TEAD1: variants seen among roughly 807,000 people sequenced by gnomAD.
TEAD1 encodes transcriptional enhancer factor TEF-1.
Under a neutral mutation model 54.9 loss-of-function variants are expected in TEAD1, and 9 were observed. That is an observed-to-expected ratio of 0.16 (90% CI 0.10 to 0.29). The LOEUF is 0.29. TEAD1 is among the 10% of genes least tolerant of loss of function. The pLI is 1.00. For synonymous variants in TEAD1, 200 were observed against 187.8 expected (o/e 1.07, Z -0.53); for missense variants, 387 against 535.9 (o/e 0.72, Z 2.74).
At chr11:12,867,759 G>A (rs1947652154) in intron 5 of TEAD1, among the ~76,000 whole-genome samples, 1 of 152,136 alleles carries the variant, frequency 6.6e-6, no homozygotes, top group South Asian at 2.1e-4. Flanking sequence ...TCCCACACTA[G>A]CTAGTGAGAT....
At chr11:12,705,666 G>C (rs1437438117) in intron 2 of TEAD1, among the ~76,000 whole-genome samples, 1 of 152,150 alleles carries the variant, frequency 6.6e-6, no homozygotes, top group African/African-American at 2.4e-5. Flanking sequence ...ATTAATAAAA[G>C]TTGTGTGTTG....
chr11:12,720,945 A>G (rs150209682), intron 2 of TEAD1, among the ~76,000 whole-genome samples: 1 of 152,204 alleles, frequency 6.6e-6, no homozygotes, highest in Non-Finnish European at 1.5e-5. Flanking sequence ...ACTTCTCAGA[A>G]GTTAACTCAT....
intron 3 of TEAD1, among the ~76,000 whole-genome samples, chr11:12,814,434 C>T (rs527648652): frequency 6.6e-6 from 1 of 152,246 alleles, no homozygotes; most frequent in East Asian, 1.9e-4. Flanking sequence ...CCCCCTCAGG[C>T]CCCCGCTGGC....
At chr11:12,687,537 C>G (rs955990697) in intron 2 of TEAD1, among the ~76,000 whole-genome samples, 2 of 152,220 alleles carry the variant, frequency 1.3e-5, no homozygotes, top group African/African-American at 4.8e-5. Flanking sequence ...GTCAGGCTAA[C>G]AAAGGACTGC....
At chr11:12,879,562 CTG>C in intron 5 of TEAD1, 144 bp from the exon 6 acceptor site, 1 of 942,120 alleles carries the variant, frequency 1.1e-6, no homozygotes, top group South Asian at 1.4e-5. Context: ...AGCCTTCTGG[CTG>C]TGTTATTTAT....
intron 11 of TEAD1, among the ~76,000 whole-genome samples, chr11:12,927,915 A>C (rs183577579): frequency 9.1e-4 from 139 of 152,272 alleles, no homozygotes; most frequent in Middle Eastern, 6.8e-3. Context: ...ACCCTTGTAT[A>C]GTTAACTGAT....
At chr11:12,781,315 A>T (rs1443008378) in intron 3 of TEAD1, among the ~76,000 whole-genome samples, 1 of 152,226 alleles carries the variant, frequency 6.6e-6, no homozygotes, top group Non-Finnish European at 1.5e-5. Context: ...GTAAAGTAAA[A>T]ATAGAGAAAA....
At chr11:12,675,149 A>G (rs1382260300) in intron 1 of TEAD1, among the ~76,000 whole-genome samples, 2 of 149,822 alleles carry the variant, frequency 1.3e-5, no homozygotes, top group South Asian at 2.1e-4. Context: ...CGCCGCCTGC[A>G]CGCGCACACA....
intron 3 of TEAD1, among the ~76,000 whole-genome samples, chr11:12,818,526 C>T (rs1320967820): frequency 1.3e-5 from 2 of 152,112 alleles, no homozygotes; most frequent in African/African-American, 4.8e-5. Context: ...GCATCCGGCT[C>T]CTTGGGAGAA....
chr11:12,896,398 G>A (rs1948316774), intron 9 of TEAD1, among the ~76,000 whole-genome samples: 1 of 152,098 alleles, frequency 6.6e-6, no homozygotes, highest in African/African-American at 2.4e-5. Context: ...CCATCCTTTT[G>A]TAGGAACATA....
intron 5 of TEAD1, among the ~76,000 whole-genome samples, chr11:12,875,967 T>C (rs1947846743): frequency 6.6e-6 from 1 of 152,248 alleles, no homozygotes; most frequent in African/African-American, 2.4e-5. Context: ...AGTCATTAAA[T>C]GACTTGATCC....
chr11:12,861,561 G>A lies in TEAD1; in HGVS notation c.203-689G>A, dbSNP rs200994059. Among the ~76,000 whole-genome samples the A allele has an allele frequency of 3.3e-5, 5 of 152,322 alleles. No individual in the cohort carries two copies. The East Asian group carries it at 7.7e-4, about 23-fold the overall frequency. Reference sequence around the variant, plus strand: ...TAAGAAGGAAAGTGAATATGAATGTGAATATGAAAAACCAAAGACTAGAAG... The same window carrying A: ...TAAGAAGGAAAGTGAATATGAATGTAAATATGAAAAACCAAAGACTAGAAG... On this transcript the variant is annotated intron_variant, in intron 3 of 12. Transcript: ENST00000527636.
intron 3 of TEAD1, among the ~76,000 whole-genome samples, chr11:12,796,686 A>G (rs1232159529): frequency 6.6e-6 from 1 of 151,884 alleles, no homozygotes; most frequent in African/African-American, 2.4e-5. Context: ...TGATCGCACC[A>G]CTGCACTGCA....
intron 3 of TEAD1, among the ~76,000 whole-genome samples, chr11:12,791,313 T>C (rs1408663158): frequency 6.6e-6 from 1 of 152,222 alleles, no homozygotes. Context: ...AGTAAAAGTA[T>C]CTGGTGTTTC....
In TEAD1 at chr11:12,740,392, C is replaced by G. The variant is rs56084007; in HGVS notation, c.-54-23787C>G. Among the ~76,000 whole-genome samples the G allele has an allele frequency of 7.3e-3, 1,109 of 152,212 alleles. 8 individuals are homozygous for G. The highest frequency in any genetic ancestry group is 0.013 in the Non-Finnish European group (862 of 68,016). On this transcript the variant is annotated intron_variant, in intron 2 of 12. Transcript: ENST00000527636. ...GCTAGTGTAATGTTTGAGGGAATAT[C>G]AAGTCATTTGGTCTACGTAAAATAG...
chr11:12,709,124 G>A (rs909179398), intron 2 of TEAD1, among the ~76,000 whole-genome samples: 8 of 152,114 alleles, frequency 5.3e-5, no homozygotes, highest in African/African-American at 1.7e-4. Flanking sequence ...GATATCTTGA[G>A]GTCAGTTGTT....
intron 2 of TEAD1, among the ~76,000 whole-genome samples, chr11:12,740,749 C>T (rs1295211989): frequency 1.3e-5 from 2 of 152,016 alleles, no homozygotes; most frequent in East Asian, 3.9e-4. Context: ...CAGTTGCCTC[C>T]CACCAGGTCA....
At chr11:12,736,680 A>G (rs2133886640) in intron 2 of TEAD1, among the ~76,000 whole-genome samples, 1 of 152,320 alleles carries the variant, frequency 6.6e-6, no homozygotes, top group East Asian at 1.9e-4. Flanking sequence ...GGAGTGCAGT[A>G]GGCTCCAGCT....
intron 3 of TEAD1, among the ~76,000 whole-genome samples, chr11:12,833,376 C>T (rs886146897): frequency 1.3e-5 from 2 of 152,182 alleles, no homozygotes; most frequent in Admixed American, 6.5e-5. Context: ...TTCTCTTTGG[C>T]CTCCTTGTGC....
Sources: allele counts gnomAD v4.1 joint callset (sites outside exome capture counted in the v4.1 genomes callset), GRCh38; gene constraint gnomAD v4.1.1; transcripts MANE v1.5; gene names NCBI Gene and HGNC (gene_info 2026-07-23, HGNC 2026-07-21).